PTPRG: variants seen among roughly 807,000 people sequenced by gnomAD.
PTPRG encodes receptor-type tyrosine-protein phosphatase gamma.
Under a neutral mutation model 165.3 loss-of-function variants are expected in PTPRG, and 102 were observed. The observed-to-expected ratio is 0.62, with a 90% confidence interval of 0.53 to 0.73. PTPRG has a LOEUF of 0.73. Ranked by LOEUF, PTPRG falls within the 30% of genes least tolerant of loss-of-function variation. PTPRG has a pLI of 0.00. For synonymous variants in PTPRG, 675 were observed against 669.5 expected, an observed-to-expected ratio of 1.01 and a Z score of -0.13; for missense variants, 1,866 against 1,861.4, an observed-to-expected ratio of 1.00 and a Z score of -0.05.
At chr3:61,967,047 C>A (rs565693407) in intron 2 of PTPRG, among the ~76,000 whole-genome samples, 1 of 152,276 alleles carries the variant, frequency 6.6e-6, no homozygotes, top group East Asian at 1.9e-4. Context: ...CCAGAGAAAA[C>A]CTGGTTTTCT....
intron 1 of PTPRG, among the ~76,000 whole-genome samples, chr3:61,740,707 T>C (rs542257978): frequency 6.6e-6 from 1 of 152,186 alleles, no homozygotes; most frequent in Non-Finnish European, 1.5e-5. Context: ...GATTCCTCTT[T>C]CCCTTGAATT....
At chr3:62,104,156 A>G (rs1043022541) in intron 5 of PTPRG, among the ~76,000 whole-genome samples, 6 of 152,170 alleles carry the variant, frequency 3.9e-5, no homozygotes, top group African/African-American at 1.2e-4. Context: ...GACAATACTG[A>G]TTTGGAACCT....
chr3:62,104,727 A>C (rs1225411052), intron 5 of PTPRG, among the ~76,000 whole-genome samples: 3 of 152,220 alleles, frequency 2.0e-5, no homozygotes, highest in Non-Finnish European at 4.4e-5. Context: ...TACACATTTC[A>C]CTGGGAAAAG....
intron 3 of PTPRG, among the ~76,000 whole-genome samples, chr3:61,998,292 G>A (rs1274350688): frequency 6.6e-6 from 1 of 152,158 alleles, no homozygotes; most frequent in African/African-American, 2.4e-5. Context: ...ATCATGGGGA[G>A]CCCCAGACAT....
In PTPRG at chr3:61,789,124, G is replaced by C. The variant is rs889201359; in HGVS notation, c.190+40142G>C. Among the ~76,000 whole-genome samples the C allele has an allele frequency of 3.3e-5, 5 of 150,688 alleles. No individual in the cohort carries two copies. The East Asian group carries it at 9.8e-4, about 29-fold the overall frequency. ...CTTTTTTTCTTTTTCTTTATTTGAA[G>C]GCTCTCACTCTGTCACCCACACTGG... On this transcript the variant is annotated intron_variant, in intron 2 of 29. Transcript: ENST00000474889.
chr3:61,563,634 C>T (rs918562782), intron 1 of PTPRG, among the ~76,000 whole-genome samples: 2 of 152,216 alleles, frequency 1.3e-5, no homozygotes, highest in East Asian at 1.9e-4. Context: ...CCTGCATACC[C>T]GGAGGTGGAG....
chr3:61,781,212 A>T (rs1210666959), intron 2 of PTPRG, among the ~76,000 whole-genome samples: 1 of 152,196 alleles, frequency 6.6e-6, no homozygotes, highest in Non-Finnish European at 1.5e-5. Flanking sequence ...CACCTGCATT[A>T]AAAAAGTTCA....
chr3:62,076,707 G>A (rs1575972556), intron 4 of PTPRG, among the ~76,000 whole-genome samples: 2 of 151,628 alleles, frequency 1.3e-5, no homozygotes, highest in Admixed American at 6.6e-5. Context: ...TCAGCCTCCC[G>A]AGTAGCTGGG....
At chr3:61,741,023 A>G (rs2032961521) in intron 1 of PTPRG, among the ~76,000 whole-genome samples, 1 of 152,200 alleles carries the variant, frequency 6.6e-6, no homozygotes, top group Non-Finnish European at 1.5e-5. Flanking sequence ...GCACAAAGGA[A>G]ATGAGAGGTT....
intron 2 of PTPRG, among the ~76,000 whole-genome samples, chr3:61,826,831 GT>G (rs71629146): frequency 0.019 from 2,558 of 133,370 alleles, 29 homozygotes; most frequent in African/African-American, 0.038. Context: ...AAATGGAAAG[GT>G]TTTTTTTTTT....
intron 6 of PTPRG, among the ~76,000 whole-genome samples, chr3:62,156,601 A>G (rs770384984): frequency 3.3e-5 from 5 of 152,076 alleles, no homozygotes; most frequent in African/African-American, 4.8e-5. Context: ...TTTTCTTTTC[A>G]CAGTGATTCT....
At chr3:62,202,674 T>A (rs1210499286) in intron 11 of PTPRG, among the ~76,000 whole-genome samples, 1 of 152,218 alleles carries the variant, frequency 6.6e-6, no homozygotes, top group Non-Finnish European at 1.5e-5. Context: ...TCCCTCCTTG[T>A]CCACCCACTT....
At chr3:62,128,968 A>G (rs575093467) in intron 5 of PTPRG, among the ~76,000 whole-genome samples, 2 of 152,188 alleles carry the variant, frequency 1.3e-5, no homozygotes, top group Admixed American at 1.3e-4. Flanking sequence ...CAAGACATAG[A>G]CCAGAGAATG....
intron 4 of PTPRG, among the ~76,000 whole-genome samples, chr3:62,041,705 C>T (rs1247420964): frequency 6.6e-6 from 1 of 152,088 alleles, no homozygotes; most frequent in East Asian, 1.9e-4. Context: ...GCAAAATCTT[C>T]TATTAGATGT....
intron 4 of PTPRG, among the ~76,000 whole-genome samples, chr3:62,024,430 C>G (rs1314403554): frequency 6.6e-6 from 1 of 152,122 alleles, no homozygotes; most frequent in Non-Finnish European, 1.5e-5. Flanking sequence ...AGAGCATACA[C>G]TTTTTAATGC....
At chr3:61,918,754 T>C (rs182001039) in intron 2 of PTPRG, among the ~76,000 whole-genome samples, 1,675 of 152,322 alleles carry the variant, frequency 0.011, 37 homozygotes, top group South Asian at 0.093. Context: ...ATGCCCTTAC[T>C]GTCACTGAAT....
intron 1 of PTPRG, among the ~76,000 whole-genome samples, chr3:61,682,914 G>A (rs1247074695): frequency 6.6e-6 from 1 of 152,202 alleles, no homozygotes; most frequent in African/African-American, 2.4e-5. Flanking sequence ...AAAAGGCAAG[G>A]GGAAGACAAA....
chr3:61,758,233 C>T lies in PTPRG; in HGVS notation c.190+9251C>T, dbSNP rs537985333. On this transcript the variant is annotated intron_variant, in intron 2 of 29. Transcript: ENST00000474889. ...CTCCTGGGCTCAAGCCCAGTATTCC[C>T]GATTTAGCCTCTCAAAGTGCTGGGA... 2.2e-3 allele frequency among the ~76,000 whole-genome samples: 335 copies of T among 152,110 alleles called. 2 individuals carry two copies. The highest frequency in any genetic ancestry group is 3.0e-3 in the Non-Finnish European group (201 of 68,006).
At chr3:61,974,109 G>A (rs1196675477) in intron 2 of PTPRG, among the ~76,000 whole-genome samples, 1 of 152,060 alleles carries the variant, frequency 6.6e-6, no homozygotes, top group East Asian at 1.9e-4. Flanking sequence ...GATGCCTCAT[G>A]ACTGTCTTTT....
Sources: gnomAD v4.1 joint callset for allele counts (sites outside exome capture counted in the v4.1 genomes callset) on GRCh38, gnomAD v4.1.1 for gene constraint, MANE v1.5 for transcripts, NCBI Gene and HGNC (gene_info 2026-07-23, HGNC 2026-07-21) for gene names.